AGBL1: variants seen among roughly 807,000 people sequenced by gnomAD.
AGBL1 encodes the protein cytosolic carboxypeptidase 4.
In AGBL1, 130 loss-of-function variants were observed where a neutral mutation model predicts 118.9. That is an observed-to-expected ratio of 1.09 (90% CI 0.95 to 1.26). The LOEUF is 1.26. AGBL1 is among the 50% of genes most tolerant of loss of function. The pLI is 0.00. For synonymous variants in AGBL1, 555 were observed against 478.9 expected, an observed-to-expected ratio of 1.16 and a Z score of -2.08; for missense variants, 1,584 against 1,298.1, an observed-to-expected ratio of 1.22 and a Z score of -3.38.
Position 87,011,361 on chromosome 15 carries a change from C to A in AGBL1, c.3324-17464C>A, listed in dbSNP as rs572377644. Among the ~76,000 whole-genome samples the A allele has an allele frequency of 3.3e-5, 5 of 152,160 alleles. No individual in the cohort carries two copies. The East Asian group carries it at 9.7e-4, about 29-fold the overall frequency. ...CTTCACTGTGTTGATCCATTGAGAA[C>A]ATGAAATTGTAATAGAAGCCAGCAT... On this transcript the variant is annotated intron_variant, in intron 24 of 24. Coordinates refer to the AGBL1 transcript ENST00000441037.
intron 18 of AGBL1, among the ~76,000 whole-genome samples, chr15:86,447,093 A>T (rs963231317): frequency 1.3e-5 from 2 of 152,192 alleles, no homozygotes; most frequent in South Asian, 4.1e-4. Context: ...GATTCTGATG[A>T]TCAATGTAGT....
intron 6 of AGBL1, among the ~76,000 whole-genome samples, chr15:86,241,954 G>T (rs1370212427): frequency 6.6e-6 from 1 of 152,272 alleles, no homozygotes; most frequent in East Asian, 1.9e-4. Context: ...TCATGGGAGG[G>T]ACCCAGTGGG....
chr15:86,689,557 G>A (rs1596372361), intron 22 of AGBL1, among the ~76,000 whole-genome samples: 1 of 152,038 alleles, frequency 6.6e-6, no homozygotes, highest in Non-Finnish European at 1.5e-5. Flanking sequence ...CTAAATAACA[G>A]TATAATTCCA....
chr15:86,539,817 G>T (rs773022406), intron 19 of AGBL1, among the ~76,000 whole-genome samples: 14 of 152,152 alleles, frequency 9.2e-5, no homozygotes, highest in Non-Finnish European at 1.6e-4. Flanking sequence ...TGTGAATGCT[G>T]CCCCCTGGAA....
intron 23 of AGBL1, among the ~76,000 whole-genome samples, chr15:86,937,848 A>G (rs1306512585): frequency 2.0e-5 from 3 of 152,240 alleles, no homozygotes; most frequent in African/African-American, 7.2e-5. Context: ...ATTACATGCT[A>G]TGTACTACCC....
intron 22 of AGBL1, among the ~76,000 whole-genome samples, chr15:86,776,968 C>A (rs1192879823): frequency 6.6e-6 from 1 of 151,882 alleles, no homozygotes; most frequent in African/African-American, 2.4e-5. Flanking sequence ...TGTTCCTAAC[C>A]AAACACAATA....
At chr15:86,204,007 C>T (rs1035794369) in intron 5 of AGBL1, among the ~76,000 whole-genome samples, 10 of 152,128 alleles carry the variant, frequency 6.6e-5, no homozygotes, top group Non-Finnish European at 2.9e-5. Flanking sequence ...TTACACTTTA[C>T]ATGACACTCC....
intron 17 of AGBL1, among the ~76,000 whole-genome samples, chr15:86,367,995 C>T (rs188681725): frequency 6.6e-6 from 1 of 152,116 alleles, no homozygotes; most frequent in East Asian, 1.9e-4. Flanking sequence ...GTCAGGCTCA[C>T]TATTTGATGT....
chr15:86,224,602 G>A (rs894555411), intron 5 of AGBL1, among the ~76,000 whole-genome samples: 1 of 152,018 alleles, frequency 6.6e-6, no homozygotes. Context: ...GCTCTGCCTG[G>A]TATGAATAAT....
At chr15:86,605,875 C>T (rs2084569156) in intron 21 of AGBL1, among the ~76,000 whole-genome samples, 1 of 151,798 alleles carries the variant, frequency 6.6e-6, no homozygotes, top group Admixed American at 6.6e-5. Context: ...ATCTGTAATC[C>T]CAGCACTTTG....
intron 22 of AGBL1, among the ~76,000 whole-genome samples, chr15:86,790,602 A>G (rs936615604): frequency 1.3e-5 from 2 of 152,112 alleles, no homozygotes; most frequent in African/African-American, 2.4e-5. Flanking sequence ...TAGGGTTCCT[A>G]TGGTTTTTTA....
chr15:86,471,896 C>G (rs140003706), intron 18 of AGBL1, among the ~76,000 whole-genome samples: 82 of 152,256 alleles, frequency 5.4e-4, no homozygotes, highest in African/African-American at 1.9e-3. Context: ...GCAAATGTCA[C>G]TAAGTTAAAG....
chr15:86,648,299 G>A (rs1297909296), intron 21 of AGBL1, among the ~76,000 whole-genome samples: 1 of 152,158 alleles, frequency 6.6e-6, no homozygotes, highest in Non-Finnish European at 1.5e-5. Context: ...CTTCCTATGT[G>A]GGGTGCTAGA....
At chr15:86,230,888 C>A (rs993073138) in intron 6 of AGBL1, among the ~76,000 whole-genome samples, 1 of 152,066 alleles carries the variant, frequency 6.6e-6, no homozygotes, top group Non-Finnish European at 1.5e-5. Context: ...AGCCCCAAGG[C>A]GGCCTCTGAG....
At chr15:86,085,109 T>G (rs1365030355) in intron 1 of AGBL1, among the ~76,000 whole-genome samples, 1 of 152,172 alleles carries the variant, frequency 6.6e-6, no homozygotes, top group Non-Finnish European at 1.5e-5. Flanking sequence ...AGAAAATTAT[T>G]CATAAAGCAA....
chr15:86,506,503 T>A (rs528237795), intron 18 of AGBL1, among the ~76,000 whole-genome samples: 104 of 152,214 alleles, frequency 6.8e-4, no homozygotes, highest in African/African-American at 2.4e-3. Context: ...TAAGGACCAG[T>A]GCTGCTGATT....
chr15:86,276,577 C>A (rs879393126), intron 15 of AGBL1, among the ~76,000 whole-genome samples: 3 of 152,106 alleles, frequency 2.0e-5, no homozygotes, highest in Non-Finnish European at 4.4e-5. Context: ...TAAAGATAAA[C>A]AGATGAATAA....
intron 21 of AGBL1, among the ~76,000 whole-genome samples, chr15:86,647,074 A>G (rs2085291922): frequency 6.6e-6 from 1 of 152,226 alleles, no homozygotes; most frequent in African/African-American, 2.4e-5. Context: ...CATTTTTAAA[A>G]TACACAAATG....
At chr15:86,798,694 A>G (rs2078607726) in intron 22 of AGBL1, among the ~76,000 whole-genome samples, 1 of 150,404 alleles carries the variant, frequency 6.6e-6, no homozygotes, top group African/African-American at 2.5e-5. Flanking sequence ...TGTTAATACT[A>G]CATACATGCT....
Sources: gnomAD v4.1 joint callset for allele counts (sites outside exome capture counted in the v4.1 genomes callset) on GRCh38, gnomAD v4.1.1 for gene constraint, MANE v1.5 for transcripts, NCBI Gene and HGNC (gene_info 2026-07-23, HGNC 2026-07-21) for gene names.